Variants in ERBB4 observed in about 807,000 individuals in gnomAD.
ERBB4 encodes the protein erb-b2 receptor tyrosine kinase 4.
In ERBB4, 42 loss-of-function variants were observed where a neutral mutation model predicts 158.0. The observed-to-expected ratio is 0.27, with a 90% CI of 0.21 to 0.34. ERBB4 has a LOEUF of 0.34. ERBB4 is among the 10% of genes least tolerant of loss of function. The pLI is 1.00. For missense variants in ERBB4, 1,333 were observed against 1,624.1 expected (o/e 0.82, Z 3.08); for synonymous variants, 583 against 558.7 (o/e 1.04, Z -0.61).
At chr2:211,668,205 T>C (rs2071702265) in intron 14 of ERBB4, among the ~76,000 whole-genome samples, 1 of 152,360 alleles carries the variant, frequency 6.6e-6, no homozygotes, top group Admixed American at 6.5e-5. Context: ...GGTAACACCA[T>C]TGCATATGTC....
At chr2:212,061,933 C>A (rs906580656) in intron 2 of ERBB4, among the ~76,000 whole-genome samples, 5 of 151,762 alleles carry the variant, frequency 3.3e-5, no homozygotes, top group Non-Finnish European at 5.9e-5. Flanking sequence ...CAGGGTTTCT[C>A]CATGTTGGTC....
At chr2:212,148,483 A>G (rs1297877164) in intron 1 of ERBB4, among the ~76,000 whole-genome samples, 7 of 152,102 alleles carry the variant, frequency 4.6e-5, no homozygotes, top group Non-Finnish European at 1.0e-4. Context: ...TGGGAAAGAA[A>G]CATAAGTAAT....
intron 1 of ERBB4, among the ~76,000 whole-genome samples, chr2:212,505,460 T>C (rs1311940129): frequency 8.0e-6 from 1 of 124,224 alleles, no homozygotes; most frequent in African/African-American, 2.5e-5. Context: ...AGGTCATATG[T>C]GTAAAAACTC....
At chr2:212,003,217 G>A (rs1427673679) in intron 2 of ERBB4, among the ~76,000 whole-genome samples, 12 of 36,630 alleles carry the variant, frequency 3.3e-4, no homozygotes, top group South Asian at 1.3e-3. Context: ...CAGAAAGAAG[G>A]AAGGAAGGAA....
chr2:211,520,470 T>G (rs1398484911), intron 20 of ERBB4, among the ~76,000 whole-genome samples: 1 of 152,074 alleles, frequency 6.6e-6, no homozygotes, highest in Non-Finnish European at 1.5e-5. Context: ...GCCTGCAAAC[T>G]AAGAATGGTT....
chr2:211,815,960 G>T (rs887338073), intron 3 of ERBB4, among the ~76,000 whole-genome samples: 1 of 152,160 alleles, frequency 6.6e-6, no homozygotes, highest in East Asian at 1.9e-4. Flanking sequence ...AGTGTTGGGG[G>T]TGAGGGATTC....
intron 1 of ERBB4, among the ~76,000 whole-genome samples, chr2:212,389,342 CAGA>C (rs1347030243): frequency 6.6e-6 from 1 of 152,042 alleles, no homozygotes; most frequent in Non-Finnish European, 1.5e-5. Flanking sequence ...CATGTTGTGT[CAGA>C]AGTAGAGATC....
intron 7 of ERBB4, among the ~76,000 whole-genome samples, chr2:211,716,852 G>A (rs112273754): frequency 6.6e-6 from 1 of 151,978 alleles, no homozygotes; most frequent in African/African-American, 2.4e-5. Context: ...CTTTAAATTA[G>A]CCTGTAGTTT....
intron 20 of ERBB4, among the ~76,000 whole-genome samples, chr2:211,531,394 G>T (rs890182562): frequency 6.6e-6 from 1 of 151,584 alleles, no homozygotes; most frequent in Non-Finnish European, 1.5e-5. Context: ...CAGAATGGGA[G>T]AAAATATTTG....
At chr2:211,600,772 G>C (rs528439351) in intron 19 of ERBB4, among the ~76,000 whole-genome samples, 1 of 151,964 alleles carries the variant, frequency 6.6e-6, no homozygotes, top group Admixed American at 6.5e-5. Flanking sequence ...GTTTCTTTTT[G>C]GTTTTTTTTG....
intron 1 of ERBB4, among the ~76,000 whole-genome samples, chr2:212,357,261 C>T (rs1407524057): frequency 6.6e-6 from 1 of 151,654 alleles, no homozygotes; most frequent in Non-Finnish European, 1.5e-5. Context: ...TGGTTACCTC[C>T]TTATTATGAT....
chr2:212,037,973 C>A (rs1288730124), intron 2 of ERBB4, among the ~76,000 whole-genome samples: 1 of 152,006 alleles, frequency 6.6e-6, no homozygotes, highest in Non-Finnish European at 1.5e-5. Context: ...CGTTGTATTT[C>A]TTTGTATTTA....
intron 2 of ERBB4, among the ~76,000 whole-genome samples, chr2:211,980,662 C>T (rs1172712066): frequency 1.3e-5 from 2 of 152,072 alleles, no homozygotes; most frequent in Non-Finnish European, 2.9e-5. Context: ...AGCAAGACAC[C>T]TCCTTAGATT....
intron 12 of ERBB4, among the ~76,000 whole-genome samples, chr2:211,687,684 T>A (rs953700742): frequency 7.9e-5 from 12 of 152,152 alleles, no homozygotes; most frequent in African/African-American, 2.4e-4. Context: ...GGCTTTTTTT[T>A]ATCTGCATCT....
intron 20 of ERBB4, among the ~76,000 whole-genome samples, chr2:211,499,758 T>C (rs1000912821): frequency 2.6e-5 from 4 of 152,068 alleles, no homozygotes; most frequent in African/African-American, 9.7e-5. Context: ...TCTTTCTAGG[T>C]GAAGATACCC....
At chr2:211,560,393 G>C (rs190878041) in intron 20 of ERBB4, among the ~76,000 whole-genome samples, 1 of 145,808 alleles carries the variant, frequency 6.9e-6, no homozygotes, top group African/African-American at 2.5e-5. Context: ...TTCTGCCTCA[G>C]CCTCCTTAGT....
intron 5 of ERBB4, among the ~76,000 whole-genome samples, chr2:211,740,431 T>C (rs1427059664): frequency 6.6e-6 from 1 of 151,986 alleles, no homozygotes; most frequent in Non-Finnish European, 1.5e-5. Context: ...GCTTCAGAAA[T>C]GAAATCTTTA....
intron 1 of ERBB4, among the ~76,000 whole-genome samples, chr2:212,290,232 G>A (rs1391117229): frequency 6.6e-6 from 1 of 152,064 alleles, no homozygotes; most frequent in East Asian, 1.9e-4. Context: ...TTTGACATCT[G>A]TAGATTGTTC....
chr2:211,538,081 GTTTAC>G (rs915466169), intron 20 of ERBB4, among the ~76,000 whole-genome samples: 1 of 145,296 alleles, frequency 6.9e-6, no homozygotes, highest in Non-Finnish European at 1.5e-5. Context: ...ATTGCTTATT[GTTTAC>G]TTTAACAAAA....
Sources: gnomAD v4.1 joint callset for allele counts (sites outside exome capture counted in the v4.1 genomes callset) on GRCh38, gnomAD v4.1.1 for gene constraint, MANE v1.5 for transcripts, NCBI Gene and HGNC (gene_info 2026-07-23, HGNC 2026-07-21) for gene names.